LMO7: variants seen among roughly 807,000 people sequenced by gnomAD.
The protein encoded by LMO7 is LIM domain 7.
Under a neutral mutation model 206.5 loss-of-function variants are expected in LMO7, and 120 were observed. The ratio of observed to expected loss-of-function variants is 0.58; its 90% CI spans 0.50 to 0.68. LMO7 has a LOEUF of 0.68. Ranked by LOEUF, LMO7 falls within the 30% of genes least tolerant of loss-of-function variation. The pLI, the probability that LMO7 is intolerant of heterozygous loss-of-function variation, is 0.00. For missense variants in LMO7, 1,959 were observed against 1,957.9 expected (o/e 1.00, Z -0.01); for synonymous variants, 706 against 681.5 (o/e 1.04, Z -0.56).
At chr13:75,796,614 CA>C in intron 5 of LMO7, 21 bp from the exon 6 acceptor site, 1 of 1,396,196 alleles carries the variant, frequency 7.2e-7, no homozygotes, top group Non-Finnish European at 1.0e-6. Flanking sequence ...TCTTGTTGTT[CA>C]TGGATTTTTT....
At chr13:75,772,076 A>T (rs1051777842) in intron 4 of LMO7, among the ~76,000 whole-genome samples, 1 of 152,088 alleles carries the variant, frequency 6.6e-6, no homozygotes, top group Admixed American at 6.5e-5. Context: ...AATCCCAAGA[A>T]ATGACTCAAG....
At chr13:75,809,828 ATTTTTTTTTTTT>A (rs35825600) in intron 11 of LMO7, among the ~76,000 whole-genome samples, 1 of 122,652 alleles carries the variant, frequency 8.2e-6, no homozygotes, top group Admixed American at 8.8e-5. Context: ...CAAAAACTAC[ATTTTTTTTTTTT>A]TTTTTTTTTG....
intron 1 of LMO7, among the ~76,000 whole-genome samples, chr13:75,650,139 C>CT (rs1412544421): frequency 3.0e-4 from 45 of 149,054 alleles, no homozygotes; most frequent in African/African-American, 4.2e-4. Context: ...TTTTCTTTTT[C>CT]TTTTTTTTTG....
At chr13:75,750,627 T>A (rs1444837661) in intron 3 of LMO7, among the ~76,000 whole-genome samples, 1 of 152,102 alleles carries the variant, frequency 6.6e-6, no homozygotes, top group Admixed American at 6.5e-5. Flanking sequence ...ACTCCTGGTC[T>A]CAAGGAGTTG....
chr13:75,727,426 G>C (rs1315867802), intron 3 of LMO7, among the ~76,000 whole-genome samples: 1 of 151,888 alleles, frequency 6.6e-6, no homozygotes, highest in Non-Finnish European at 1.5e-5. Flanking sequence ...AATGAAAAAT[G>C]CATGTATATA....
intron 19 of LMO7, among the ~76,000 whole-genome samples, chr13:75,837,434 C>T (rs2059218491): frequency 6.6e-6 from 1 of 152,064 alleles, no homozygotes; most frequent in Non-Finnish European, 1.5e-5. Flanking sequence ...ATACGTGGGC[C>T]CTGTCATTGG....
chr13:75,649,737 C>T (rs1464236009), intron 1 of LMO7, among the ~76,000 whole-genome samples: 2 of 152,154 alleles, frequency 1.3e-5, no homozygotes, highest in East Asian at 1.9e-4. Context: ...TTCTTGGATA[C>T]ATATTAGAGG....
At chr13:75,777,887 C>T (rs1448097052) in intron 4 of LMO7, among the ~76,000 whole-genome samples, 3 of 152,008 alleles carry the variant, frequency 2.0e-5, no homozygotes, top group Admixed American at 1.3e-4. Flanking sequence ...CCTCGTGATC[C>T]GCCCGCCTCG....
chr13:75,724,978 G>A (rs1329830486), intron 2 of LMO7, among the ~76,000 whole-genome samples: 1 of 152,108 alleles, frequency 6.6e-6, no homozygotes, highest in Non-Finnish European at 1.5e-5. Context: ...AATCCATTGT[G>A]TGTCTGTCAC....
At position 75,621,805 on chromosome 13, in the gene LMO7, T is replaced by C. The variant is rs148440316; in HGVS notation, c.112T>C (p.Cys38Arg). The change falls in exon 1 of 30, where the codon TGT becomes CGT. Residue 38 changes from cysteine (C) to arginine (R), a missense_variant. By Grantham distance (180) the Cys-to-Arg change is radical. Transcript: ENST00000341547. ...TCTGGAAATTTGGAGGCAACTGATA[T>C]GTGCTCATGTCTGCATCTGTGTGGG... The C allele has an allele frequency of 8.7e-6, 14 of 1,612,898 alleles. No homozygotes were observed. The highest frequency in any genetic ancestry group is 1.7e-4 in the Middle Eastern group (1 of 6,054).
At chr13:75,825,731 A>G (rs1566556508) in intron 15 of LMO7, among the ~76,000 whole-genome samples, 1 of 152,116 alleles carries the variant, frequency 6.6e-6, no homozygotes, top group Non-Finnish European at 1.5e-5. Flanking sequence ...TTTGTCTCAG[A>G]AGGAGCTTAC....
intron 11 of LMO7, among the ~76,000 whole-genome samples, chr13:75,814,607 AG>A (rs1237650103): frequency 6.6e-6 from 1 of 152,226 alleles, no homozygotes; most frequent in Non-Finnish European, 1.5e-5. Context: ...CTTCAGGTAC[AG>A]GTGATGTACC....
intron 2 of LMO7, chr13:75,623,444 ACCTCTG>A: frequency 1.7e-6 from 1 of 593,170 alleles, no homozygotes; most frequent in South Asian, 1.8e-5. Context: ...GGTCACTGCA[ACCTCTG>A]CCTCCCGGGT....
chr13:75,838,216 A>G lies in LMO7; in HGVS notation c.3451+20A>G, dbSNP rs758718235. 4 of 1,598,170 alleles carry G rather than the reference A, an allele frequency of 2.5e-6. No individual in the cohort carries two copies. Among genetic ancestry groups the G allele is most frequent in the Non-Finnish European group, 3.4e-6 (4 of 1,165,926 alleles). On this transcript the variant is annotated intron_variant, in intron 20 of 30. Transcript: ENST00000377534. The stretch of plus-strand genomic sequence containing the variant: ...AACAAGGTAAACCACAAAGCTAACA[A>G]TTCATGCACTTTCATGGAATTGTTC...
At chr13:75,667,433 A>T (rs2039172144) in intron 1 of LMO7, among the ~76,000 whole-genome samples, 4 of 152,024 alleles carry the variant, frequency 2.6e-5, no homozygotes, top group Admixed American at 2.0e-4. Flanking sequence ...TAGGTCCCTA[A>T]GGTTCACTTT....
chr13:75,658,990 TTC>T (rs2038318687), intron 1 of LMO7, among the ~76,000 whole-genome samples: 1 of 152,188 alleles, frequency 6.6e-6, no homozygotes, highest in African/African-American at 2.4e-5. Flanking sequence ...TTGATTTTTC[TTC>T]TCTCTAGATG....
At chr13:75,834,471 CTT>C in intron 17 of LMO7, 84 bp downstream of exon 17, 1 of 1,066,178 alleles carries the variant, frequency 9.4e-7, no homozygotes, top group Non-Finnish European at 1.3e-6. Context: ...GCTTCAATAA[CTT>C]TTTATTTTTT....
intron 28 of LMO7, among the ~76,000 whole-genome samples, chr13:75,854,446 C>T (rs2060753921): frequency 6.6e-6 from 1 of 151,790 alleles, no homozygotes; most frequent in Non-Finnish European, 1.5e-5. Flanking sequence ...GGAGGGGGGA[C>T]CCATTTACTG....
At chr13:75,720,650 T>A (rs2043944832) in intron 2 of LMO7, among the ~76,000 whole-genome samples, 1 of 152,210 alleles carries the variant, frequency 6.6e-6, no homozygotes, top group Non-Finnish European at 1.5e-5. Context: ...CTATTCAAGC[T>A]TTGCTAGACT....
Sources: gnomAD v4.1 joint callset for allele counts (sites outside exome capture counted in the v4.1 genomes callset) on GRCh38, gnomAD v4.1.1 for gene constraint, MANE v1.5 for transcripts, NCBI Gene and HGNC (gene_info 2026-07-23, HGNC 2026-07-21) for gene names.